LRRC4C: variants seen among roughly 807,000 people sequenced by gnomAD.
The protein encoded by LRRC4C is leucine-rich repeat-containing protein 4C.
A neutral mutation model predicts 33.6 loss-of-function variants in LRRC4C; 5 were observed. That is an observed-to-expected ratio of 0.15 (90% CI 0.08 to 0.31). The LOEUF is 0.31. Among genes scored for constraint, LRRC4C ranks in the 10% least tolerant of loss-of-function variants. The pLI, the probability that LRRC4C is intolerant of heterozygous loss-of-function variation, is 1.00. For synonymous variants in LRRC4C, 329 were observed against 302.0 expected, an observed-to-expected ratio of 1.09 and a Z score of -0.93; for missense variants, 560 against 796.7, an observed-to-expected ratio of 0.70 and a Z score of 3.58.
rs879493710 is a variant in LRRC4C at position 41,264,094 on chromosome 11, A to AT, written c.-496+195336_-496+195337insA. ...GATACATACAAATTTCCTTTTTATT[A>AT]ATTTTTTTTTTTTTTTGAGATGGAG... is the stretch of plus-strand genomic sequence containing the variant. On this transcript the variant is annotated intron_variant, in intron 1 of 6. Transcript: ENST00000528697. Among the ~76,000 whole-genome samples the AT allele has an allele frequency of 9.4e-3, 461 of 48,980 alleles. 5 individuals are homozygous for AT. The highest frequency in any genetic ancestry group is 0.035 in the Middle Eastern group (3 of 86). 32.1% of individuals were successfully genotyped at this position (48,980 alleles called of 152,430 possible).
chr11:40,951,964 G>A (rs1480330919), intron 1 of LRRC4C, among the ~76,000 whole-genome samples: 3 of 151,616 alleles, frequency 2.0e-5, no homozygotes, highest in Non-Finnish European at 2.9e-5. Flanking sequence ...CTGTTCAAAT[G>A]GGTACAATAA....
intron 2 of LRRC4C, among the ~76,000 whole-genome samples, chr11:40,854,653 C>A: frequency 6.6e-6 from 1 of 151,418 alleles, no homozygotes; most frequent in East Asian, 1.9e-4. Context: ...CTTGGCAAAC[C>A]TGCAAAATTT....
intron 1 of LRRC4C, among the ~76,000 whole-genome samples, chr11:41,170,664 C>T (rs1422048175): frequency 6.6e-6 from 1 of 152,086 alleles, no homozygotes; most frequent in Non-Finnish European, 1.5e-5. Context: ...AGAAGAAAAC[C>T]TAGGCAATAC....
At chr11:40,260,351 C>A (rs1867604001) in intron 4 of LRRC4C, among the ~76,000 whole-genome samples, 2 of 144,298 alleles carry the variant, frequency 1.4e-5, no homozygotes, top group African/African-American at 2.6e-5. Context: ...GGGAATTGAA[C>A]AATGAGAACA....
At chr11:40,304,423 A>G (rs1944927800) in intron 4 of LRRC4C, among the ~76,000 whole-genome samples, 1 of 152,202 alleles carries the variant, frequency 6.6e-6, no homozygotes, top group African/African-American at 2.4e-5. Context: ...CCACTGATTG[A>G]CTGAAGTGTC....
Position 41,005,465 on chromosome 11 carries a change from G to C in LRRC4C, c.-495-71742C>G, listed in dbSNP as rs1051599674. Among the ~76,000 whole-genome samples the C allele has an allele frequency of 5.3e-5, 8 of 152,208 alleles. No homozygotes were observed. In the South Asian group the frequency reaches 8.3e-4, roughly 16 times the overall value. On this transcript the variant is annotated intron_variant, in intron 1 of 6. Coordinates refer to ENST00000528697, the MANE Select transcript of LRRC4C (RefSeq NM_001258419.2). ...CTAAAAATACAAAAATTAGCCGGGC[G>C]TGGTGGCACATGCCTGTAATCCCAG... is the stretch of plus-strand genomic sequence containing the variant.
At chr11:40,970,307 T>C (rs1851641916) in intron 1 of LRRC4C, among the ~76,000 whole-genome samples, 1 of 152,144 alleles carries the variant, frequency 6.6e-6, no homozygotes, top group African/African-American at 2.4e-5. Context: ...TGCACAATCC[T>C]TGGTGCTGTC....
At chr11:41,011,541 G>C (rs1242499745) in intron 1 of LRRC4C, among the ~76,000 whole-genome samples, 1 of 151,948 alleles carries the variant, frequency 6.6e-6, no homozygotes, top group Non-Finnish European at 1.5e-5. Context: ...AGTTTGAAAA[G>C]ATAAAACAGT....
At chr11:40,552,571 G>A (rs981261351) in intron 3 of LRRC4C, among the ~76,000 whole-genome samples, 3 of 152,156 alleles carry the variant, frequency 2.0e-5, no homozygotes, top group Admixed American at 1.3e-4. Context: ...GTAGACATGA[G>A]GGCTTAGAGG....
chr11:41,258,477 A>C (rs572602393), intron 1 of LRRC4C, among the ~76,000 whole-genome samples: 1 of 152,154 alleles, frequency 6.6e-6, no homozygotes, highest in East Asian at 1.9e-4. Flanking sequence ...ATATTATCTC[A>C]TGACATAAGA....
intron 1 of LRRC4C, among the ~76,000 whole-genome samples, chr11:41,236,585 A>G (rs1948032819): frequency 6.6e-6 from 1 of 151,326 alleles, no homozygotes; most frequent in African/African-American, 2.4e-5. Flanking sequence ...AAAAAAAAAA[A>G]CCTATTTCAT....
At chr11:40,279,476 T>G (rs537963543) in intron 4 of LRRC4C, among the ~76,000 whole-genome samples, 1 of 152,312 alleles carries the variant, frequency 6.6e-6, no homozygotes, top group South Asian at 2.1e-4. Context: ...TTTAACACCT[T>G]TCTTCTGGAG....
intron 3 of LRRC4C, among the ~76,000 whole-genome samples, chr11:40,517,744 GAAA>G (rs34257872): frequency 1.8e-4 from 27 of 147,020 alleles, no homozygotes; most frequent in Middle Eastern, 3.4e-3. Context: ...GAATTGGGGG[GAAA>G]AAAAAAAAAC....
At chr11:41,034,381 G>A (rs1856906229) in intron 1 of LRRC4C, among the ~76,000 whole-genome samples, 1 of 148,948 alleles carries the variant, frequency 6.7e-6, no homozygotes, top group Non-Finnish European at 1.5e-5. Flanking sequence ...ATTACCCACT[G>A]CTATTCTGTT....
intron 1 of LRRC4C, among the ~76,000 whole-genome samples, chr11:41,132,602 A>G (rs1488466078): frequency 1.3e-5 from 2 of 152,222 alleles, no homozygotes; most frequent in African/African-American, 4.8e-5. Context: ...TTAATGGAAA[A>G]ATGCTGGAAA....
chr11:40,921,496 C>G (rs1377000395), intron 2 of LRRC4C, among the ~76,000 whole-genome samples: 1 of 152,004 alleles, frequency 6.6e-6, no homozygotes, highest in Non-Finnish European at 1.5e-5. Context: ...ATGAATCCTC[C>G]CTTAGATCAC....
At chr11:40,767,965 A>G (rs1949556337) in intron 2 of LRRC4C, among the ~76,000 whole-genome samples, 2 of 152,068 alleles carry the variant, frequency 1.3e-5, no homozygotes, top group Non-Finnish European at 2.9e-5. Flanking sequence ...TAGAAAAAAA[A>G]GAAATAAAAT....
intron 1 of LRRC4C, among the ~76,000 whole-genome samples, chr11:41,027,842 T>G (rs957027166): frequency 3.3e-5 from 5 of 151,784 alleles, no homozygotes; most frequent in African/African-American, 1.2e-4. Flanking sequence ...AGAGTTCTAA[T>G]AGTTTTGAAT....
chr11:40,984,366 A>AGAAAG (rs1852795075), intron 1 of LRRC4C, among the ~76,000 whole-genome samples: 1 of 39,174 alleles, frequency 2.6e-5, no homozygotes, highest in African/African-American at 7.3e-5. Flanking sequence ...GAAAGAAAAA[A>AGAAAG]GAAAGAAAGA....
Sources: gnomAD v4.1 joint callset for allele counts (sites outside exome capture counted in the v4.1 genomes callset) on GRCh38, gnomAD v4.1.1 for gene constraint, MANE v1.5 for transcripts, NCBI Gene and HGNC (gene_info 2026-07-23, HGNC 2026-07-21) for gene names.